SNORD118: variants seen among roughly 807,000 people sequenced by gnomAD.
SNORD118 encodes small nucleolar RNA, C/D box 118.
exon 1 of SNORD118, chr17:8,173,518 GCAT>G: frequency 1.3e-6 from 1 of 765,386 alleles, no homozygotes; most frequent in South Asian, 1.3e-5. Flanking sequence ...CACGTTTCAT[GCAT>G]CTCCAATCAT....
chr17:8,173,500 A>G (rs1409719589), exon 1 of SNORD118: 6 of 765,192 alleles, frequency 7.8e-6, no homozygotes, highest in African/African-American at 3.4e-5. Context: ...TTACGCAGAG[A>G]CGTTAATCAC....
Position 8,173,527 on chromosome 17 carries a change from A to G in SNORD118, n.61T>C, listed in dbSNP as rs761878851. 1.0e-5 allele frequency: 8 copies of G among 765,426 alleles called. No homozygotes were observed. The highest frequency in any genetic ancestry group is 2.3e-4 in the Middle Eastern group (1 of 4,408). 47.4% of individuals were successfully genotyped at this position (765,426 alleles called of 1,614,324 possible). On this transcript the variant is annotated non_coding_transcript_exon_variant, in exon 1 of 1. Coordinates refer to ENST00000363593, the Ensembl canonical transcript of SNORD118. ...GTTAATCACGTTTCATGCATCTCCA[A>G]TCATCATGTTCTAATCTGCCCTCCG... is the stretch of plus-strand genomic sequence containing the variant.
In SNORD118 at chr17:8,173,478, T is replaced by C. The variant is rs199653025; in HGVS notation, n.110A>G. The C allele has an allele frequency of 2.0e-3, 1,504 of 764,858 alleles. 9 individuals carry two copies. Among genetic ancestry groups the C allele is most frequent in the African/African-American group, 0.019 (1,109 of 59,242 alleles). The allele number at this position is 764,858 out of a possible 1,614,324, so 47.4% of individuals were successfully genotyped here. On this transcript the variant is annotated non_coding_transcript_exon_variant, in exon 1 of 1. Transcript: ENST00000363593. ...AATCAGACAGGAGCAATCAGGGTGT[T>C]GCAAGTCCTGATTACGCAGAGACGT...
exon 1 of SNORD118, chr17:8,173,545 GCCC>G (rs1983831305): frequency 1.3e-6 from 1 of 765,230 alleles, no homozygotes; most frequent in East Asian, 2.4e-5. Flanking sequence ...GTTCTAATCT[GCCC>G]TCCGGAGGAG....
chr17:8,173,515 C>G (rs372721948), exon 1 of SNORD118: 5 of 765,366 alleles, frequency 6.5e-6, no homozygotes, highest in South Asian at 1.3e-5. Context: ...AATCACGTTT[C>G]ATGCATCTCC....
exon 1 of SNORD118, chr17:8,173,573 T>TC: frequency 1.3e-6 from 1 of 764,828 alleles, no homozygotes; most frequent in Non-Finnish European, 2.4e-6. Context: ...AGGTAAGGAT[T>TC]ATCCCACCTG....
exon 1 of SNORD118, chr17:8,173,558 G>T (rs112608031): frequency 9.1e-6 from 7 of 765,184 alleles, no homozygotes; most frequent in African/African-American, 5.1e-5. Context: ...CTCCGGAGGA[G>T]GAACAGGTAA....
In SNORD118 at chr17:8,173,535, G is replaced by A. The variant is rs73245429; in HGVS notation, n.53C>T. 2.7e-3 allele frequency: 2,085 copies of A among 765,370 alleles called. 23 individuals are homozygous for A. The highest frequency in any genetic ancestry group is 0.023 in the African/African-American group (1,355 of 59,188). The allele number at this position is 765,370 out of a possible 1,614,324, so 47.4% of individuals were successfully genotyped here. A position where few individuals can be genotyped will look rare whatever the true frequency, so the allele number is the denominator to read the frequency against. Reference sequence around the variant, plus strand: ...CGTTTCATGCATCTCCAATCATCATGTTCTAATCTGCCCTCCGGAGGAGGA... The same window carrying A: ...CGTTTCATGCATCTCCAATCATCATATTCTAATCTGCCCTCCGGAGGAGGA... On this transcript the variant is annotated non_coding_transcript_exon_variant, in exon 1 of 1. Transcript: ENST00000363593.
At position 8,173,486 on chromosome 17, in the gene SNORD118, C is replaced by G. The variant is rs562912181; in HGVS notation, n.102G>C. 3.9e-6 allele frequency: 3 copies of G among 765,008 alleles called. No homozygotes were observed. Among genetic ancestry groups the G allele is most frequent in the Admixed American group, 1.7e-5 (1 of 58,986 alleles). The allele number at this position is 765,008 out of a possible 1,614,324, so 47.4% of individuals were successfully genotyped here. On this transcript the variant is annotated non_coding_transcript_exon_variant, in exon 1 of 1. Coordinates refer to ENST00000363593, the Ensembl canonical transcript of SNORD118. The stretch of plus-strand genomic sequence containing the variant: ...AGGAGCAATCAGGGTGTTGCAAGTC[C>G]TGATTACGCAGAGACGTTAATCACG...
At position 8,173,474 on chromosome 17, in the gene SNORD118, G is replaced by C. The variant is rs148801759; in HGVS notation, n.114C>G. The C allele has an allele frequency of 8.1e-5, 62 of 764,652 alleles. 1 individual carries two copies. Among genetic ancestry groups the C allele is most frequent in the South Asian group, 6.3e-4 (47 of 74,548 alleles). The allele number at this position is 764,652 out of a possible 1,614,324, so 47.4% of individuals were successfully genotyped here. Reference sequence around the variant, plus strand: ...AAAGAATCAGACAGGAGCAATCAGGGTGTTGCAAGTCCTGATTACGCAGAG... The same window carrying C: ...AAAGAATCAGACAGGAGCAATCAGGCTGTTGCAAGTCCTGATTACGCAGAG... On this transcript the variant is annotated non_coding_transcript_exon_variant, in exon 1 of 1. Coordinates refer to ENST00000363593, the Ensembl canonical transcript of SNORD118.
In SNORD118 at chr17:8,173,518, G is replaced by A. The variant is rs139357518; in HGVS notation, n.70C>T. ...CGCAGAGACGTTAATCACGTTTCAT[G>A]CATCTCCAATCATCATGTTCTAATC... On this transcript the variant is annotated non_coding_transcript_exon_variant, in exon 1 of 1. Transcript: ENST00000363593. 866 of 765,378 alleles carry A rather than the reference G, an allele frequency of 1.1e-3. 5 individuals carry two copies. The highest frequency in any genetic ancestry group is 6.9e-4 in the Middle Eastern group (3 of 4,378). The allele number at this position is 765,378 out of a possible 1,614,324, so 47.4% of individuals were successfully genotyped here.
exon 1 of SNORD118, chr17:8,173,509 A>T (rs374183932): frequency 1.3e-6 from 1 of 765,374 alleles, no homozygotes; most frequent in Non-Finnish European, 2.4e-6. Context: ...GACGTTAATC[A>T]CGTTTCATGC....
exon 1 of SNORD118, chr17:8,173,503 T>C (rs780174735): frequency 9.4e-5 from 72 of 765,134 alleles, no homozygotes; most frequent in African/African-American, 3.7e-4. Context: ...CGCAGAGACG[T>C]TAATCACGTT....
rs539989837 is a variant in SNORD118 at position 8,173,584 on chromosome 17, A to C, written n.4T>G. On this transcript the variant is annotated non_coding_transcript_exon_variant, in exon 1 of 1. Transcript: ENST00000363593. ...GAACAGGTAAGGATTATCCCACCTG[A>C]CGATACAGACAAACAGCCGACATTC... The C allele has an allele frequency of 9.7e-5, 74 of 764,298 alleles. No individual in the cohort carries two copies. The highest frequency in any genetic ancestry group is 1.9e-4 in the East Asian group (8 of 41,236). 47.3% of individuals were successfully genotyped at this position (764,298 alleles called of 1,614,324 possible). A position where few individuals can be genotyped will look rare whatever the true frequency, so the allele number is the denominator to read the frequency against.
exon 1 of SNORD118, chr17:8,173,528 T>TG (rs757706428): frequency 1.3e-6 from 1 of 765,400 alleles, no homozygotes; most frequent in Non-Finnish European, 2.4e-6. Context: ...GCATCTCCAA[T>TG]CATCATGTTC....
In SNORD118 at chr17:8,173,555, G is replaced by A. The variant is rs117057308; in HGVS notation, n.33C>T. On this transcript the variant is annotated non_coding_transcript_exon_variant, in exon 1 of 1. Transcript: ENST00000363593. ...ATCATGTTCTAATCTGCCCTCCGGAGGAGGAACAGGTAAGGATTATCCCAC... is the reference window on the plus strand; with the variant it reads ...ATCATGTTCTAATCTGCCCTCCGGAAGAGGAACAGGTAAGGATTATCCCAC... The A allele has an allele frequency of 4.4e-3, 3,385 of 765,362 alleles. 50 individuals are homozygous for A. Among genetic ancestry groups the A allele is most frequent in the Admixed American group, 0.03 (1,748 of 59,018 alleles). The allele number at this position is 765,362 out of a possible 1,614,324, so 47.4% of individuals were successfully genotyped here.
In SNORD118 at chr17:8,173,538, C is replaced by T. The variant is rs375272334; in HGVS notation, n.50G>A. ...TTCATGCATCTCCAATCATCATGTT[C>T]TAATCTGCCCTCCGGAGGAGGAACA... On this transcript the variant is annotated non_coding_transcript_exon_variant, in exon 1 of 1. Coordinates refer to ENST00000363593, the Ensembl canonical transcript of SNORD118. The T allele has an allele frequency of 4.0e-4, 303 of 765,362 alleles. No individual in the cohort carries two copies. The highest frequency in any genetic ancestry group is 5.5e-4 in the Non-Finnish European group (228 of 418,006). The allele number at this position is 765,362 out of a possible 1,614,324, so 47.4% of individuals were successfully genotyped here.
Position 8,173,473 on chromosome 17 carries a change from G to C in SNORD118, n.115C>G, listed in dbSNP as rs181334320. ...GAAAGAATCAGACAGGAGCAATCAG[G>C]GTGTTGCAAGTCCTGATTACGCAGA... is the stretch of plus-strand genomic sequence containing the variant. On this transcript the variant is annotated non_coding_transcript_exon_variant, in exon 1 of 1. Transcript: ENST00000363593. 2.8e-4 allele frequency: 211 copies of C among 764,554 alleles called. 1 individual carries two copies. Among genetic ancestry groups the C allele is most frequent in the Admixed American group, 4.4e-4 (26 of 58,976 alleles). The allele number at this position is 764,554 out of a possible 1,614,324, so 47.4% of individuals were successfully genotyped here.
rs754582308 is a variant in SNORD118, at chr17:8,173,459, A to G, written n.129T>C. ...GTAAGTGATCGTCAGAAAGAATCAG[A>G]CAGGAGCAATCAGGGTGTTGCAAGT... On this transcript the variant is annotated non_coding_transcript_exon_variant, in exon 1 of 1. Transcript: ENST00000363593. The G allele has an allele frequency of 3.9e-6, 3 of 764,096 alleles. No homozygotes were observed. In the South Asian group the frequency reaches 4.0e-5, roughly 10 times the overall value. The allele number at this position is 764,096 out of a possible 1,614,324, so 47.3% of individuals were successfully genotyped here.
Sources: allele counts gnomAD v4.1 joint callset, GRCh38; gene constraint gnomAD v4.1.1; transcripts MANE v1.5; gene names NCBI Gene and HGNC (gene_info 2026-07-23, HGNC 2026-07-21).